Variants in KDM1A observed in about 807,000 individuals in gnomAD.
KDM1A encodes the protein lysine demethylase 1A, also known as lysine-specific histone demethylase 1A.
Under a neutral mutation model 109.4 loss-of-function variants are expected in KDM1A, and 49 were observed. The ratio of observed to expected loss-of-function variants is 0.45; its 90% CI spans 0.36 to 0.57. The LOEUF (loss-of-function observed/expected upper bound fraction) is 0.57, where lower values mean the gene tolerates loss of function less well. KDM1A is among the 20% of genes least tolerant of loss of function. The pLI, the probability that KDM1A is intolerant of heterozygous loss-of-function variation, is 0.00. For missense variants in KDM1A, 668 were observed against 1,116.6 expected, an observed-to-expected ratio of 0.60 and a Z score of 5.73; for synonymous variants, 380 against 415.4, an observed-to-expected ratio of 0.91 and a Z score of 1.04.
At chr1:23,058,547 T>C (rs1226062380) in intron 8 of KDM1A, among the ~76,000 whole-genome samples, 1 of 152,168 alleles carries the variant, frequency 6.6e-6, no homozygotes, top group African/African-American at 2.4e-5. Flanking sequence ...AGGGTCTTGC[T>C]CTGTTGCCCA....
At chr1:23,022,830 T>G (rs1641681200) in intron 1 of KDM1A, among the ~76,000 whole-genome samples, 1 of 151,744 alleles carries the variant, frequency 6.6e-6, no homozygotes. Flanking sequence ...GGCCAGTTTT[T>G]GTATTTTTAG....
intron 6 of KDM1A, 103 bp from the exon 7 acceptor site, chr1:23,055,828 TG>T: frequency 1.9e-6 from 1 of 536,048 alleles, no homozygotes; most frequent in Admixed American, 3.2e-5. Context: ...TTTTTTACTT[TG>T]TAAGCTATTA....
rs1345603238 is a variant in KDM1A at position 23,055,153 on chromosome 1, C to A, written c.875C>A (p.Pro292His). Reference sequence around the variant, plus strand: ...TTCGGCATCTATAAGAGGATAAAACCCCTACCAAGTAAGGACCTCCTACCT... The same window carrying A: ...TTCGGCATCTATAAGAGGATAAAACACCTACCAAGTAAGGACCTCCTACCT... ...INFGIYKRIK[P>H]LPTKKTGKVI... The change falls in exon 6 of 21, where the codon CCC becomes CAC. Residue 292 changes from proline (P) to histidine (H), a missense_variant. Physicochemically the swap from Pro to His is moderately conservative, Grantham distance 77 (BLOSUM62 -2). Transcript: ENST00000400181. 6.2e-7 allele frequency: 1 copy of A among 1,601,258 alleles called. No individual in the cohort carries two copies. Among genetic ancestry groups the A allele is most frequent in the Admixed American group, 1.7e-5 (1 of 57,858 alleles).
At chr1:23,045,516 G>C (rs1642477448) in intron 3 of KDM1A, among the ~76,000 whole-genome samples, 1 of 152,190 alleles carries the variant, frequency 6.6e-6, no homozygotes, top group African/African-American at 2.4e-5. Context: ...ATTAAACCCT[G>C]TTCAGAGTCT....
chr1:23,028,172 G>GA (rs1266272003), intron 1 of KDM1A, among the ~76,000 whole-genome samples: 1 of 152,066 alleles, frequency 6.6e-6, no homozygotes, highest in African/African-American at 2.4e-5. Context: ...ATTTTTTTGA[G>GA]ACAGGGTCTG....
At position 23,025,964 on chromosome 1, in the gene KDM1A, G is replaced by A. The variant is rs531891871; in HGVS notation, c.352-4505G>A. Reference sequence around the variant, plus strand: ...AAATTAGCCATGTGTGGTGGCATGCGCCTGTAGTCCTAGCTACTCAGGAGG... The same window carrying A: ...AAATTAGCCATGTGTGGTGGCATGCACCTGTAGTCCTAGCTACTCAGGAGG... On this transcript the variant is annotated intron_variant, in intron 1 of 20. Transcript: ENST00000400181. 2.6e-4 allele frequency among the ~76,000 whole-genome samples: 39 copies of A among 152,158 alleles called. No individual in the cohort carries two copies. The South Asian group carries it at 3.1e-3, about 12-fold the overall frequency.
Position 23,068,543 on chromosome 1 carries a change from C to G in KDM1A, c.1184C>G (p.Pro395Arg). ...TGCTATACTTCGGATTTTCAGGTTC[C>G]TAAAGAGAAAGATGAAATGGTAGAG... The part of the protein sequence containing the change: ...ANGQADTVKV[P>R]KEKDEMVEQE... The change falls in exon 11 of 21, where the codon CCT (proline) becomes CGT (arginine). Residue 395 changes from proline to arginine, a missense_variant. Pro to Arg is a moderately radical substitution (Grantham distance 103). This residue lies in a region of KDM1A where 53 missense variants were observed against 122.5 expected (regional missense o/e 0.43). Coordinates refer to ENST00000400181, the MANE Select transcript of KDM1A (RefSeq NM_001009999.3). The G allele has an allele frequency of 6.3e-7, 1 of 1,575,530 alleles. No individual in the cohort carries two copies. The highest frequency in any genetic ancestry group is 1.2e-5 in the South Asian group (1 of 83,436).
At chr1:23,082,399 G>A (rs764721438) in intron 20 of KDM1A, 33 bp downstream of exon 20, 4 of 1,579,966 alleles carry the variant, frequency 2.5e-6, no homozygotes, top group Non-Finnish European at 3.4e-6. Flanking sequence ...GGGCTTATTT[G>A]GGAAGAGGCC....
rs571198133 is a variant in KDM1A at position 23,071,968 on chromosome 1, T to C, written c.1549-156T>C. ...TAACTTGTCTCCAAAAACAAAAATC[T>C]CTCAGCTCTATCTAACCCCAGCCTA... is the stretch of plus-strand genomic sequence containing the variant. On this transcript the variant is annotated intron_variant, in intron 13 of 20. Coordinates refer to ENST00000400181, the MANE Select transcript of KDM1A (RefSeq NM_001009999.3). 3.9e-5 allele frequency among the ~76,000 whole-genome samples: 6 copies of C among 152,174 alleles called. No individual in the cohort carries two copies. The South Asian group carries it at 8.3e-4, about 21-fold the overall frequency.
Position 23,079,448 on chromosome 1 carries a change from C to T in KDM1A, c.2056-105C>T, listed in dbSNP as rs1643557752. On this transcript the variant is annotated intron_variant, in intron 17 of 20. Coordinates refer to ENST00000400181, the MANE Select transcript of KDM1A (RefSeq NM_001009999.3). The surrounding 1 kb of genome is among the most constrained non-coding windows in gnomAD (Gnocchi z 5.6). Reference sequence around the variant, plus strand: ...ATGTCATCCTAAATAATAAGGATTGCTGGGCTTATTTTGAAAGCAGATTAG... The same window carrying T: ...ATGTCATCCTAAATAATAAGGATTGTTGGGCTTATTTTGAAAGCAGATTAG... 5 of 865,102 alleles carry T rather than the reference C, an allele frequency of 5.8e-6. No individual in the cohort carries two copies. Among genetic ancestry groups the T allele is most frequent in the Non-Finnish European group, 9.2e-6 (5 of 545,380 alleles). The allele number at this position is 865,102 out of a possible 1,614,324, so 53.6% of individuals were successfully genotyped here.
chr1:23,031,587 T>A lies in KDM1A; in HGVS notation c.517+953T>A, dbSNP rs548328017. Among the ~76,000 whole-genome samples the A allele has an allele frequency of 3.2e-4, 49 of 152,106 alleles. No homozygotes were observed. The East Asian group carries it at 8.1e-3, about 25-fold the overall frequency. ...ATCTTTTGTTTTAGCCTTTTTTTTT[T>A]AAGGGTTTTCTCCCCTATGGTGTTA... On this transcript the variant is annotated intron_variant, in intron 2 of 20. Transcript: ENST00000400181.
chr1:23,024,822 A>G (rs1168645601), intron 1 of KDM1A, among the ~76,000 whole-genome samples: 1 of 152,234 alleles, frequency 6.6e-6, no homozygotes, highest in Non-Finnish European at 1.5e-5. Flanking sequence ...CTACCTTGTA[A>G]AGTTTAGATA....
At chr1:23,061,042 G>A (rs1003533311) in intron 9 of KDM1A, among the ~76,000 whole-genome samples, 4 of 152,202 alleles carry the variant, frequency 2.6e-5, no homozygotes, top group African/African-American at 7.2e-5. Context: ...AACGTAAAGA[G>A]AGAACTTTTT....
Position 23,083,495 on chromosome 1 carries a change from C to T in KDM1A, c.*131C>T. 2.4e-6 allele frequency: 2 copies of T among 843,572 alleles called. No homozygotes were observed. The highest frequency in any genetic ancestry group is 3.5e-6 in the Non-Finnish European group (2 of 570,638). 52.3% of individuals were successfully genotyped at this position (843,572 alleles called of 1,614,324 possible). A position where few individuals can be genotyped will look rare whatever the true frequency, so the allele number is the denominator to read the frequency against. ...GGGCTCCTGATCAGCTGATGGAGCT[C>T]CTGATTTGACAAAGGAGCTTGCCTC... On this transcript the variant is annotated 3_prime_UTR_variant, in exon 21 of 21. Coordinates refer to ENST00000400181, the MANE Select transcript of KDM1A (RefSeq NM_001009999.3).
chr1:23,076,294 A>G (rs1643462782), intron 15 of KDM1A, among the ~76,000 whole-genome samples: 1 of 151,584 alleles, frequency 6.6e-6, no homozygotes, highest in African/African-American at 2.4e-5. Context: ...AGTAAATTCA[A>G]AGAAGTAAGA....
chr1:23,035,380 T>A (rs1366303155), intron 2 of KDM1A, among the ~76,000 whole-genome samples: 1 of 152,152 alleles, frequency 6.6e-6, no homozygotes, highest in Non-Finnish European at 1.5e-5. Context: ...TTTTGTATTT[T>A]TAGTAGAGAT....
Position 23,083,544 on chromosome 1 carries a change from G to A in KDM1A, c.*180G>A. 2.0e-6 allele frequency: 1 copy of A among 510,578 alleles called. No homozygotes were observed. The allele number at this position is 510,578 out of a possible 1,614,324, so 31.6% of individuals were successfully genotyped here. A position where few individuals can be genotyped will look rare whatever the true frequency, so the allele number is the denominator to read the frequency against. On this transcript the variant is annotated 3_prime_UTR_variant, in exon 21 of 21. Transcript: ENST00000400181. ...TCCTTTGAATGACCTAGAGCACAGG[G>A]AGGAACTTGTCCATTAGTTTGGAAT...
intron 9 of KDM1A, among the ~76,000 whole-genome samples, chr1:23,060,924 C>G (rs1167802004): frequency 6.6e-6 from 1 of 152,138 alleles, no homozygotes; most frequent in Non-Finnish European, 1.5e-5. Flanking sequence ...CTATTACCGT[C>G]CTCAAGAAGT....
At chr1:23,053,281 T>C (rs1432748410) in intron 4 of KDM1A, among the ~76,000 whole-genome samples, 1 of 152,260 alleles carries the variant, frequency 6.6e-6, no homozygotes, top group African/African-American at 2.4e-5. Flanking sequence ...TTATTTGATA[T>C]GGCTTTGTGT....
Sources: gnomAD v4.1 joint callset for allele counts (sites outside exome capture counted in the v4.1 genomes callset) on GRCh38, gnomAD v4.1.1 for gene constraint, gnomAD v4.1.1 regional missense constraint, Gnocchi (gnomAD v3.1) non-coding constraint, MANE v1.5 for transcripts, NCBI Gene and HGNC (gene_info 2026-07-23, HGNC 2026-07-21) for gene names.